The following DAPK1 variants were observed in gnomAD, a reference collection of about 807,000 sequenced individuals.
DAPK1 encodes the protein death associated protein kinase 1.
In DAPK1, 56 loss-of-function variants were observed where a neutral mutation model predicts 144.9. The ratio of observed to expected loss-of-function variants is 0.39; its 90% CI spans 0.31 to 0.48. DAPK1 has a LOEUF of 0.48. Ranked by LOEUF, DAPK1 falls within the 20% of genes least tolerant of loss-of-function variation. The pLI is 0.95. For missense variants in DAPK1, 1,454 were observed against 1,875.4 expected, an observed-to-expected ratio of 0.78 and a Z score of 4.15; for synonymous variants, 690 against 749.0, an observed-to-expected ratio of 0.92 and a Z score of 1.29.
chr9:87,585,689 AAGCT>A (rs1304084084), intron 2 of DAPK1, among the ~76,000 whole-genome samples: 1 of 152,218 alleles, frequency 6.6e-6, no homozygotes, highest in Non-Finnish European at 1.5e-5. Flanking sequence ...ATAAATAATT[AAGCT>A]ATGTCCTAGT....
intron 19 of DAPK1, among the ~76,000 whole-genome samples, chr9:87,670,496 T>C (rs1831215568): frequency 6.6e-6 from 1 of 152,186 alleles, no homozygotes; most frequent in Non-Finnish European, 1.5e-5. Flanking sequence ...CTGAAAGGCT[T>C]CTTCGACAGG....
intron 2 of DAPK1, among the ~76,000 whole-genome samples, chr9:87,523,825 TAGCTGTAGGGAATC>T (rs78944545): frequency 0.089 from 13,493 of 152,152 alleles, 875 homozygotes; most frequent in East Asian, 0.33. Context: ...GCACTGTTGG[TAGCTGTAGGGAATC>T]AGCAAAGCTG....
At chr9:87,525,938 A>G (rs185081520) in intron 2 of DAPK1, among the ~76,000 whole-genome samples, 4 of 152,236 alleles carry the variant, frequency 2.6e-5, no homozygotes, top group Non-Finnish European at 5.9e-5. Context: ...TTACCAAGAA[A>G]CAGTAAATAT....
rs897713857 is a variant in DAPK1, at chr9:87,564,745, C to G, written c.63-40209C>G. Among the ~76,000 whole-genome samples the G allele has an allele frequency of 9.8e-5, 15 of 152,320 alleles. No homozygotes were observed. In the East Asian group the frequency reaches 2.1e-3, roughly 22 times the overall value. On this transcript the variant is annotated intron_variant, in intron 2 of 25. Transcript: ENST00000408954. ...AGCTCCCACAATAACTGCATTAATTCATTCATGAGGCAGAGCCGTCATGAT... is the reference window on the plus strand; with the variant it reads ...AGCTCCCACAATAACTGCATTAATTGATTCATGAGGCAGAGCCGTCATGAT...
chr9:87,602,898 G>T (rs1828576678), intron 2 of DAPK1, among the ~76,000 whole-genome samples: 2 of 149,720 alleles, frequency 1.3e-5, no homozygotes. Flanking sequence ...TCCCAAAGCG[G>T]TTTTTCTTTC....
intron 19 of DAPK1, among the ~76,000 whole-genome samples, chr9:87,679,553 A>G (rs1302286980): frequency 6.6e-6 from 1 of 152,122 alleles, no homozygotes; most frequent in Admixed American, 6.5e-5. Flanking sequence ...CCTTGCCTAC[A>G]CTATCCTGTT....
At chr9:87,631,254 T>G (rs1336445383) in intron 3 of DAPK1, among the ~76,000 whole-genome samples, 2 of 152,184 alleles carry the variant, frequency 1.3e-5, no homozygotes, top group East Asian at 3.9e-4. Flanking sequence ...AAATCAAGTC[T>G]TGTTATATTT....
At chr9:87,529,524 T>C (rs1052830944) in intron 2 of DAPK1, among the ~76,000 whole-genome samples, 1 of 152,226 alleles carries the variant, frequency 6.6e-6, no homozygotes, top group East Asian at 1.9e-4. Context: ...GCCTGACACA[T>C]AGTAGATGCT....
rs538019446 is a variant in DAPK1 at position 87,686,505 on chromosome 9, C to G, written c.2225-46C>G. On this transcript the variant is annotated intron_variant, in intron 20 of 25. Transcript: ENST00000408954. The surrounding 1 kb of genome is among the most constrained non-coding windows in gnomAD (Gnocchi z 4.2). ...GGCCAGCCTGGGAGGGAGACAGGCA[C>G]ACGCTGCCCCCATCGAGTACTCATG... 20 of 1,108,488 alleles carry G rather than the reference C, an allele frequency of 1.8e-5. No homozygotes were observed. The highest frequency in any genetic ancestry group is 2.5e-5 in the Non-Finnish European group (19 of 748,138). The allele number at this position is 1,108,488 out of a possible 1,614,324, so 68.7% of individuals were successfully genotyped here.
At position 87,707,997 on chromosome 9, in the gene DAPK1, CAGAGGTGCTTCACCCTG is replaced by C; in HGVS notation, c.*636_*652del. The C allele has an allele frequency of 2.8e-6, 1 of 358,480 alleles. No homozygotes were observed. The highest frequency in any genetic ancestry group is 5.5e-6 in the Non-Finnish European group (1 of 182,126). 22.2% of individuals were successfully genotyped at this position (358,480 alleles called of 1,614,324 possible). A position where few individuals can be genotyped will look rare whatever the true frequency, so the allele number is the denominator to read the frequency against. ...TCCCTTGCTGTATGCTGATCATCGC[CAGAGGTGCTTCACCCTG>C]AGTTTTGTTTTGTATTGTTTTCTGA... On this transcript the variant is annotated 3_prime_UTR_variant, in exon 26 of 26. Transcript: ENST00000408954. The surrounding 1 kb of genome is among the most constrained non-coding windows in gnomAD (Gnocchi z 4.0).
intron 18 of DAPK1, among the ~76,000 whole-genome samples, chr9:87,666,749 C>T (rs1349051764): frequency 6.6e-6 from 1 of 152,150 alleles, no homozygotes; most frequent in African/African-American, 2.4e-5. Flanking sequence ...GCTAGGATTA[C>T]AGGCATGAGC....
chr9:87,564,120 T>G (rs1827029670), intron 2 of DAPK1, among the ~76,000 whole-genome samples: 1 of 152,244 alleles, frequency 6.6e-6, no homozygotes, highest in Non-Finnish European at 1.5e-5. Context: ...TTACTGGCAC[T>G]TTACTTTCTA....
chr9:87,663,763 C>T (rs1031173858), intron 18 of DAPK1, among the ~76,000 whole-genome samples: 1 of 152,212 alleles, frequency 6.6e-6, no homozygotes, highest in East Asian at 1.9e-4. Context: ...CAGAGGCCCT[C>T]GGCCCCCCCA....
chr9:87,569,670 T>C (rs10780863), intron 2 of DAPK1, among the ~76,000 whole-genome samples: 78,344 of 151,872 alleles, frequency 0.52, 20,678 homozygotes, highest in Admixed American at 0.57. Flanking sequence ...TCAGTGTCAA[T>C]GCGGGTGCAT....
intron 21 of DAPK1, among the ~76,000 whole-genome samples, chr9:87,694,806 A>C (rs998656496): frequency 6.6e-6 from 1 of 152,108 alleles, no homozygotes; most frequent in Non-Finnish European, 1.5e-5. Context: ...TGGGCTACAG[A>C]GCAGGATGCA....
At chr9:87,669,238 A>G (rs1478794916) in intron 19 of DAPK1, among the ~76,000 whole-genome samples, 2 of 151,578 alleles carry the variant, frequency 1.3e-5, no homozygotes, top group Admixed American at 1.3e-4. Context: ...AACACAGATA[A>G]CCCACGATAA....
intron 2 of DAPK1, among the ~76,000 whole-genome samples, chr9:87,601,478 C>T (rs1439284289): frequency 2.0e-5 from 3 of 151,418 alleles, no homozygotes; most frequent in Non-Finnish European, 4.4e-5. Flanking sequence ...TAGTTGTATA[C>T]ATCGTTAGCA....
chr9:87,626,180 C>T (rs995093357), intron 3 of DAPK1, among the ~76,000 whole-genome samples: 1 of 152,176 alleles, frequency 6.6e-6, no homozygotes, highest in Non-Finnish European at 1.5e-5. Flanking sequence ...CTTTGGGAGG[C>T]CAAGGTGGGT....
At chr9:87,617,930 C>A (rs1334149096) in intron 3 of DAPK1, among the ~76,000 whole-genome samples, 1 of 152,232 alleles carries the variant, frequency 6.6e-6, no homozygotes, top group Non-Finnish European at 1.5e-5. Flanking sequence ...TTGCTTCATT[C>A]TTCTCCCCTA....
Sources: allele counts gnomAD v4.1 joint callset (sites outside exome capture counted in the v4.1 genomes callset), GRCh38; gene constraint gnomAD v4.1.1; non-coding constraint Gnocchi (gnomAD v3.1); transcripts MANE v1.5; gene names NCBI Gene and HGNC (gene_info 2026-07-23, HGNC 2026-07-21).